The following TRIM33 variants were observed in gnomAD, a reference collection of about 807,000 sequenced individuals.
TRIM33 encodes the protein tripartite motif containing 33.
A neutral mutation model predicts 125.4 loss-of-function variants in TRIM33; 20 were observed. That is an observed-to-expected ratio of 0.16 (90% CI 0.11 to 0.23). The LOEUF (loss-of-function observed/expected upper bound fraction) is 0.23, where lower values mean the gene tolerates loss of function less well. TRIM33 is among the 10% of genes least tolerant of loss of function. The pLI is 1.00. For missense variants in TRIM33, 920 were observed against 1,411.4 expected, an observed-to-expected ratio of 0.65 and a Z score of 5.58; for synonymous variants, 564 against 513.9, an observed-to-expected ratio of 1.10 and a Z score of -1.32.
At chr1:114,444,476 T>A (rs1648854686) in intron 4 of TRIM33, among the ~76,000 whole-genome samples, 4 of 152,118 alleles carry the variant, frequency 2.6e-5, no homozygotes, top group Admixed American at 2.6e-4. Flanking sequence ...ACCAGAAAGG[T>A]CACCCTTAAA....
chr1:114,510,829 G>A lies in TRIM33; in HGVS notation c.248C>T (p.Ala83Val), dbSNP rs1245295500. 20 of 1,518,380 alleles carry A rather than the reference G, an allele frequency of 1.3e-5. No homozygotes were observed. The highest frequency in any genetic ancestry group is 1.6e-5 in the Non-Finnish European group (18 of 1,140,266). 94.1% of individuals were successfully genotyped at this position (1,518,380 alleles called of 1,614,324 possible). The stretch of plus-strand genomic sequence containing the variant: ...CCCGGCAACTCCAGTGCCCACTGAG[G>A]CCGCAGGAGATGAAGCAGCCTGGGC... ...GSAQAASSPAASVGTGVAGGA... is the reference protein window; with the variant it reads ...GSAQAASSPAVSVGTGVAGGA... The change falls in exon 1 of 20, where the codon GCC (alanine) becomes GTC (valine). Residue 83 changes from alanine (A) to valine (V), a missense_variant. Ala to Val is a moderately conservative substitution (Grantham distance 64). Coordinates refer to ENST00000358465, the MANE Select transcript of TRIM33 (RefSeq NM_015906.4).
At position 114,397,258 on chromosome 1, in the gene TRIM33, C is replaced by T; in HGVS notation, c.*390G>A. 1 of 269,978 alleles carries T rather than the reference C, an allele frequency of 3.7e-6. No homozygotes were observed. Among genetic ancestry groups the T allele is most frequent in the Non-Finnish European group, 7.1e-6 (1 of 140,682 alleles). 16.7% of individuals were successfully genotyped at this position (269,978 alleles called of 1,614,324 possible). A position where few individuals can be genotyped will look rare whatever the true frequency, so the allele number is the denominator to read the frequency against. On this transcript the variant is annotated 3_prime_UTR_variant, in exon 20 of 20. Coordinates refer to ENST00000358465, the MANE Select transcript of TRIM33 (RefSeq NM_015906.4). ...TGTTTTAATAACTGTGCGACCTAGT[C>T]CAAAAAGAAAATTTATCAAGTGACA...
chr1:114,497,297 A>C (rs1333839476), intron 1 of TRIM33, among the ~76,000 whole-genome samples: 1 of 152,098 alleles, frequency 6.6e-6, no homozygotes, highest in Non-Finnish European at 1.5e-5. Flanking sequence ...TTTACACTTA[A>C]AATTTTTTTT....
At chr1:114,489,013 G>A (rs891587888) in intron 1 of TRIM33, among the ~76,000 whole-genome samples, 2 of 152,180 alleles carry the variant, frequency 1.3e-5, no homozygotes, top group Non-Finnish European at 2.9e-5. Context: ...GTGCACCACT[G>A]CACTACAGCC....
At chr1:114,400,361 G>A (rs1022748448) in intron 17 of TRIM33, among the ~76,000 whole-genome samples, 2 of 152,120 alleles carry the variant, frequency 1.3e-5, no homozygotes, top group Middle Eastern at 3.4e-3. Context: ...GCACTACCAC[G>A]CCCGGCTAAT....
chr1:114,463,018 T>C, intron 4 of TRIM33, 86 bp downstream of exon 4: 1 of 1,043,026 alleles, frequency 9.6e-7, no homozygotes, highest in Non-Finnish European at 1.3e-6. Flanking sequence ...GACACAAACA[T>C]ATAATCAATA....
intron 3 of TRIM33, 54 bp downstream of exon 3, chr1:114,463,358 A>T: frequency 6.4e-7 from 1 of 1,569,674 alleles, no homozygotes; most frequent in Non-Finnish European, 8.7e-7. Flanking sequence ...CTATAGGGGC[A>T]AAAGAAGGAG....
rs182875253 is a variant in TRIM33 at position 114,488,148 on chromosome 1, C to T, written c.526+22403G>A. 1.4e-4 allele frequency among the ~76,000 whole-genome samples: 21 copies of T among 152,142 alleles called. No individual in the cohort carries two copies. The East Asian group carries it at 3.3e-3, about 24-fold the overall frequency. ...ACAAAGACTTTAAGTTACAAATAAA[C>T]GTTGCGATATCTAAGACGCTATTCA... is the stretch of plus-strand genomic sequence containing the variant. On this transcript the variant is annotated intron_variant, in intron 1 of 19. Coordinates refer to ENST00000358465, the MANE Select transcript of TRIM33 (RefSeq NM_015906.4).
chr1:114,482,458 A>G (rs1651418565), intron 1 of TRIM33, among the ~76,000 whole-genome samples: 1 of 152,234 alleles, frequency 6.6e-6, no homozygotes, highest in African/African-American at 2.4e-5. Flanking sequence ...CTAGATGGGA[A>G]AATGAGTGCA....
intron 11 of TRIM33, among the ~76,000 whole-genome samples, chr1:114,413,998 A>G (rs1379576495): frequency 6.6e-6 from 1 of 150,910 alleles, no homozygotes; most frequent in Non-Finnish European, 1.5e-5. Context: ...GTCTCAAAAC[A>G]AAACAAAATA....
intron 11 of TRIM33, among the ~76,000 whole-genome samples, chr1:114,418,301 A>G (rs1476756785): frequency 1.3e-5 from 2 of 152,118 alleles, no homozygotes; most frequent in Non-Finnish European, 2.9e-5. Context: ...CTCGACCAGT[A>G]GGGATTACAA....
chr1:114,447,785 G>C (rs1183517042), intron 4 of TRIM33, among the ~76,000 whole-genome samples: 1 of 152,134 alleles, frequency 6.6e-6, no homozygotes, highest in East Asian at 1.9e-4. Flanking sequence ...TGTGTTAAAA[G>C]GAACATTAAA....
At chr1:114,496,048 G>A (rs1045783020) in intron 1 of TRIM33, among the ~76,000 whole-genome samples, 4 of 152,120 alleles carry the variant, frequency 2.6e-5, no homozygotes, top group South Asian at 2.1e-4. Flanking sequence ...TGTAATATAC[G>A]AAGGACAGCT....
rs1296033648 is a variant in TRIM33 at position 114,510,255 on chromosome 1, G to A, written c.526+296C>T. On this transcript the variant is annotated intron_variant, in intron 1 of 19. Transcript: ENST00000358465. Reference sequence around the variant, plus strand: ...CAAATCCCCCTTCTCTCACTGTACGGGTCTGCCAGCTCCAGAACCAGCGCT... The same window carrying A: ...CAAATCCCCCTTCTCTCACTGTACGAGTCTGCCAGCTCCAGAACCAGCGCT... Among the ~76,000 whole-genome samples the A allele has an allele frequency of 9.2e-5, 14 of 152,140 alleles. No individual in the cohort carries two copies. In the South Asian group the frequency reaches 1.9e-3, roughly 20 times the overall value.
chr1:114,405,306 A>G (rs923690035), intron 15 of TRIM33, 104 bp downstream of exon 15: 1 of 823,970 alleles, frequency 1.2e-6, no homozygotes, highest in Admixed American at 2.5e-5. Context: ...TGTTTTATAG[A>G]AATACTATGC....
intron 1 of TRIM33, among the ~76,000 whole-genome samples, chr1:114,480,002 A>G (rs886373340): frequency 3.3e-5 from 5 of 152,352 alleles, no homozygotes; most frequent in South Asian, 2.1e-4. Context: ...CATTGAGAAC[A>G]GGCCATGATG....
chr1:114,485,395 G>A (rs1651619624), intron 1 of TRIM33, among the ~76,000 whole-genome samples: 1 of 152,084 alleles, frequency 6.6e-6, no homozygotes, highest in Non-Finnish European at 1.5e-5. Flanking sequence ...GAATAAGGGG[G>A]TAAGAGACCA....
chr1:114,495,090 T>G (rs550947225), intron 1 of TRIM33, among the ~76,000 whole-genome samples: 9 of 152,264 alleles, frequency 5.9e-5, no homozygotes, highest in Admixed American at 4.6e-4. Flanking sequence ...ATTTTTGTAT[T>G]TTTAGGTAGA....
chr1:114,486,287 A>G (rs1315126933), intron 1 of TRIM33, among the ~76,000 whole-genome samples: 1 of 152,028 alleles, frequency 6.6e-6, no homozygotes, highest in Non-Finnish European at 1.5e-5. Context: ...AAACGGCAAT[A>G]CGAATGTCCT....
Sources: allele counts gnomAD v4.1 joint callset (sites outside exome capture counted in the v4.1 genomes callset), GRCh38; gene constraint gnomAD v4.1.1; transcripts MANE v1.5; gene names NCBI Gene and HGNC (gene_info 2026-07-23, HGNC 2026-07-21).